The following NCKAP1 variants were observed in gnomAD, a reference collection of about 807,000 sequenced individuals.
NCKAP1 encodes nck-associated protein 1.
A neutral mutation model predicts 151.2 loss-of-function variants in NCKAP1; 21 were observed. The observed-to-expected ratio is 0.14, with a 90% CI of 0.10 to 0.20. NCKAP1 has a LOEUF of 0.20. NCKAP1 is among the 10% of genes least tolerant of loss of function. The pLI is 1.00. For missense variants in NCKAP1, 933 were observed against 1,352.1 expected, an observed-to-expected ratio of 0.69 and a Z score of 4.86; for synonymous variants, 484 against 451.8, an observed-to-expected ratio of 1.07 and a Z score of -0.90.
intron 6 of NCKAP1, among the ~76,000 whole-genome samples, chr2:183,000,344 G>A (rs1461466649): frequency 2.6e-5 from 4 of 152,130 alleles, no homozygotes; most frequent in Non-Finnish European, 4.4e-5. Flanking sequence ...TTAAAAAGCC[G>A]AGAGCCTAGC....
At chr2:183,019,471 A>C (rs1698755838) in intron 2 of NCKAP1, among the ~76,000 whole-genome samples, 1 of 152,210 alleles carries the variant, frequency 6.6e-6, no homozygotes, top group Non-Finnish European at 1.5e-5. Context: ...TAATAAAATA[A>C]GAAAGGAGTT....
chr2:183,016,525 C>T (rs576328869), intron 2 of NCKAP1, among the ~76,000 whole-genome samples: 12 of 152,198 alleles, frequency 7.9e-5, no homozygotes, highest in East Asian at 7.7e-4. Context: ...TTTAATTGGT[C>T]GGGACCAAAT....
Position 182,919,698 on chromosome 2 carries a change from C to T in NCKAP1, c.*6004G>A, listed in dbSNP as rs1391783599. ...ACAGAGTCTTGTTCTGTTGCCCAGG[C>T]TGGAGTGCAGTGGCATGATCTCGGC... is the stretch of plus-strand genomic sequence containing the variant. On this transcript the variant is annotated 3_prime_UTR_variant, in exon 31 of 31. Transcript: ENST00000361354. The T allele has an allele frequency of 6.7e-6, 1 of 150,180 alleles. No individual in the cohort carries two copies. The highest frequency in any genetic ancestry group is 1.5e-5 in the Non-Finnish European group (1 of 67,826). 9.3% of individuals were successfully genotyped at this position (150,180 alleles called of 1,614,324 possible).
At chr2:182,998,936 C>G (rs1018159807) in intron 6 of NCKAP1, among the ~76,000 whole-genome samples, 35 of 149,370 alleles carry the variant, frequency 2.3e-4, no homozygotes, top group Non-Finnish European at 3.9e-4. Flanking sequence ...TACACCTATA[C>G]ACCTAACCAA....
Position 183,038,274 on chromosome 2 carries a change from C to A in NCKAP1, c.-175G>T. 1 of 428,072 alleles carries A rather than the reference C, an allele frequency of 2.3e-6. No individual in the cohort carries two copies. Among genetic ancestry groups the A allele is most frequent in the Non-Finnish European group, 4.1e-6 (1 of 244,996 alleles). 26.5% of individuals were successfully genotyped at this position (428,072 alleles called of 1,614,324 possible). ...GCGCCGGCGACAGAGCGAGCCGCGGCGGACTCCTCGGAGCCCCTTCTCCCG... is the reference window on the plus strand; with the variant it reads ...GCGCCGGCGACAGAGCGAGCCGCGGAGGACTCCTCGGAGCCCCTTCTCCCG... On this transcript the variant is annotated 5_prime_UTR_variant, in exon 1 of 31. Coordinates refer to ENST00000361354, the MANE Select transcript of NCKAP1 (RefSeq NM_013436.5).
intron 24 of NCKAP1, 107 bp downstream of exon 24, chr2:182,941,963 C>A: frequency 1.2e-6 from 1 of 845,132 alleles, no homozygotes; most frequent in Non-Finnish European, 1.8e-6. Flanking sequence ...CTAAAGAGTA[C>A]TTTTCATAAT....
At chr2:182,976,994 T>A (rs1431088117) in intron 14 of NCKAP1, 43 bp from the exon 15 acceptor site, 1 of 1,324,838 alleles carries the variant, frequency 7.5e-7, no homozygotes, top group East Asian at 2.5e-5. Context: ...AGCAAATTAA[T>A]GTTTTCACAA....
rs766601159 is a variant in NCKAP1 at position 182,912,713 on chromosome 2, G to A, written c.*12989C>T. The A allele has an allele frequency of 1.4e-4, 21 of 152,128 alleles. No individual in the cohort carries two copies. Among genetic ancestry groups the A allele is most frequent in the Non-Finnish European group, 2.5e-4 (17 of 68,026 alleles). 9.4% of individuals were successfully genotyped at this position (152,128 alleles called of 1,614,324 possible). ...TGACAAAATGATTTATTACTCCTTC[G>A]TCATTGAAACTAATACACGCTCTAA... On this transcript the variant is annotated 3_prime_UTR_variant, in exon 31 of 31. Transcript: ENST00000361354.
At chr2:183,037,910 G>T in intron 1 of NCKAP1, 82 bp downstream of exon 1, 3 of 1,088,954 alleles carry the variant, frequency 2.8e-6, no homozygotes, top group East Asian at 3.2e-5. Flanking sequence ...GCCTCCTGCC[G>T]CCCCCACCCC....
chr2:183,027,301 G>A (rs1314689732), intron 1 of NCKAP1, among the ~76,000 whole-genome samples: 3 of 152,118 alleles, frequency 2.0e-5, no homozygotes, highest in Non-Finnish European at 4.4e-5. Context: ...TAGACTTTAC[G>A]AGAGTATTTG....
At chr2:183,002,376 T>C in intron 4 of NCKAP1, 107 bp from the exon 5 acceptor site, 2 of 777,838 alleles carry the variant, frequency 2.6e-6, no homozygotes, top group Non-Finnish European at 3.9e-6. Flanking sequence ...TCTGTATTTA[T>C]TTTATCCCTG....
At chr2:182,960,387 T>C (rs1457100400) in intron 18 of NCKAP1, among the ~76,000 whole-genome samples, 2 of 152,142 alleles carry the variant, frequency 1.3e-5, no homozygotes, top group Admixed American at 6.5e-5. Flanking sequence ...AACAGAGATA[T>C]AGACCAATGG....
In NCKAP1 at chr2:182,921,845, C is replaced by G. The variant is rs114421199; in HGVS notation, c.*3857G>C. On this transcript the variant is annotated 3_prime_UTR_variant, in exon 31 of 31. Transcript: ENST00000361354. ...AATACACTTAAAGTTACTTCTCACT[C>G]TGAAAATAATACCAAAGTAGAGTCA... The G allele has an allele frequency of 9.9e-5, 15 of 152,282 alleles. No individual in the cohort carries two copies. Among genetic ancestry groups the G allele is most frequent in the African/African-American group, 3.6e-4 (15 of 41,566 alleles). 9.4% of individuals were successfully genotyped at this position (152,282 alleles called of 1,614,324 possible). A position where few individuals can be genotyped will look rare whatever the true frequency, so the allele number is the denominator to read the frequency against.
Position 182,925,187 on chromosome 2 carries a change from T to C in NCKAP1, c.*515A>G, listed in dbSNP as rs1342013184. On this transcript the variant is annotated 3_prime_UTR_variant, in exon 31 of 31. Coordinates refer to ENST00000361354, the MANE Select transcript of NCKAP1 (RefSeq NM_013436.5). ...AGTTCTTTAACATTTTTAAATGTTA[T>C]ACAGTGTTACAGTATTTAGTTTGGC... is the stretch of plus-strand genomic sequence containing the variant. The C allele has an allele frequency of 1.3e-5, 2 of 152,188 alleles. No individual in the cohort carries two copies. Among genetic ancestry groups the C allele is most frequent in the Admixed American group, 6.6e-5 (1 of 15,264 alleles). 9.4% of individuals were successfully genotyped at this position (152,188 alleles called of 1,614,324 possible).
intron 2 of NCKAP1, among the ~76,000 whole-genome samples, chr2:183,009,662 T>C (rs1024810706): frequency 2.0e-5 from 3 of 152,246 alleles, no homozygotes; most frequent in African/African-American, 7.2e-5. Flanking sequence ...GTTAACCTTT[T>C]CAAAGTGTGC....
Position 182,993,486 on chromosome 2 carries a change from A to G in NCKAP1, c.790+1353T>C, listed in dbSNP as rs117587100. Among the ~76,000 whole-genome samples the G allele has an allele frequency of 8.3e-3, 1,257 of 152,276 alleles. 55 individuals are homozygous for G. The highest frequency in any genetic ancestry group is 0.027 in the East Asian group (138 of 5,188). Reference sequence around the variant, plus strand: ...AGGGGTGAGTAGGAGGAATTTATCTATATTACAGAAATTCTCATTCTGTAT... The same window carrying G: ...AGGGGTGAGTAGGAGGAATTTATCTGTATTACAGAAATTCTCATTCTGTAT... On this transcript the variant is annotated intron_variant, in intron 8 of 30. Coordinates refer to ENST00000361354, the MANE Select transcript of NCKAP1 (RefSeq NM_013436.5).
At chr2:182,934,649 A>G (rs887648433) in intron 26 of NCKAP1, 103 bp downstream of exon 26, 29 of 673,448 alleles carry the variant, frequency 4.3e-5, no homozygotes, top group Non-Finnish European at 6.1e-5. Context: ...ACTCTAAACT[A>G]GAAACCTTAC....
intron 1 of NCKAP1, among the ~76,000 whole-genome samples, chr2:183,034,247 A>G (rs1699059357): frequency 6.6e-6 from 1 of 152,204 alleles, no homozygotes; most frequent in South Asian, 2.1e-4. Context: ...TTTCCTTAGA[A>G]AATAAATTTA....
rs980414700 is a variant in NCKAP1, at chr2:182,947,047, C to CA, written c.2602-4885dup. 7 of 152,338 alleles carry CA rather than the reference C, an allele frequency of 4.6e-5. No individual in the cohort carries two copies. In the East Asian group the frequency reaches 5.8e-4, roughly 13 times the overall value. The allele number at this position is 152,338 out of a possible 1,614,324, so 9.4% of individuals were successfully genotyped here. A position where few individuals can be genotyped will look rare whatever the true frequency, so the allele number is the denominator to read the frequency against. The stretch of plus-strand genomic sequence containing the variant: ...CCTACCTCCACCCTGCACTAATCTC[C>CA]AAAAGACTTCCACTCTCCAGCTGAA... On this transcript the variant is annotated intron_variant, in intron 23 of 30. Coordinates refer to ENST00000361354, the MANE Select transcript of NCKAP1 (RefSeq NM_013436.5).
Sources: allele counts gnomAD v4.1 joint callset (sites outside exome capture counted in the v4.1 genomes callset), GRCh38; gene constraint gnomAD v4.1.1; transcripts MANE v1.5; gene names NCBI Gene and HGNC (gene_info 2026-07-23, HGNC 2026-07-21).